Variants in ZXDC observed in about 807,000 individuals in gnomAD.
ZXDC encodes zinc finger protein ZXDC.
In ZXDC, 58 loss-of-function variants were observed where a neutral mutation model predicts 63.6. The observed-to-expected ratio is 0.91, with a 90% CI of 0.74 to 1.13. The LOEUF is 1.13. Among genes scored for constraint, ZXDC ranks in the 50% most tolerant of loss-of-function variants. The probability of loss-of-function intolerance (pLI) is 0.00; values close to 1 mark genes in which losing one functional copy is unlikely to be tolerated. For synonymous variants in ZXDC, 561 were observed against 496.1 expected, an observed-to-expected ratio of 1.13 and a Z score of -1.74; for missense variants, 1,133 against 1,148.9, an observed-to-expected ratio of 0.99 and a Z score of 0.20.
chr3:126,451,417 T>C (rs1934094522), intron 7 of ZXDC: 2 of 985,428 alleles, frequency 2.0e-6, no homozygotes, highest in Non-Finnish European at 2.4e-6. Context: ...AGCAGCAGCA[T>C]GTGCAGCTTC....
intron 7 of ZXDC, among the ~76,000 whole-genome samples, chr3:126,446,366 C>T (rs1189359399): frequency 1.3e-5 from 2 of 152,206 alleles, no homozygotes; most frequent in African/African-American, 2.4e-5. Context: ...ACTCAGCTCC[C>T]ATCATCTGCG....
intron 7 of ZXDC, among the ~76,000 whole-genome samples, chr3:126,456,950 C>G (rs753775250): frequency 3.3e-5 from 5 of 152,202 alleles, no homozygotes; most frequent in Non-Finnish European, 7.3e-5. Context: ...GCACCTCACC[C>G]CCGTCTCCAG....
rs540580073 is a variant in ZXDC, at chr3:126,440,878, G to A, written c.2394+887C>T. On this transcript the variant is annotated intron_variant, in intron 8 of 9. Transcript: ENST00000389709. The stretch of plus-strand genomic sequence containing the variant: ...CCAGGCCTGGTCCTGTTTCCTTGGC[G>A]AGACTCTCCCAGGACTCTGAACCCA... The A allele has an allele frequency of 7.1e-6, 7 of 985,652 alleles. No homozygotes were observed. The Admixed American group carries it at 2.5e-4, about 35-fold the overall frequency. The allele number at this position is 985,652 out of a possible 1,614,324, so 61.1% of individuals were successfully genotyped here.
chr3:126,441,042 A>G, intron 8 of ZXDC: 1 of 985,554 alleles, frequency 1.0e-6, no homozygotes. Flanking sequence ...GGCCAAACCC[A>G]GACAGCCCCG....
At chr3:126,450,407 G>A (rs1419961318) in intron 7 of ZXDC, 5 of 456,698 alleles carry the variant, frequency 1.1e-5, no homozygotes, top group Admixed American at 2.3e-5. Flanking sequence ...CCTGTTAGAG[G>A]CCACATCTGC....
intron 4 of ZXDC, among the ~76,000 whole-genome samples, chr3:126,467,885 C>A (rs1425049272): frequency 6.6e-6 from 1 of 152,184 alleles, no homozygotes; most frequent in Non-Finnish European, 1.5e-5. Flanking sequence ...GGCCACGCTA[C>A]AACAGGACCC....
At chr3:126,451,255 TA>T in intron 7 of ZXDC, 1 of 985,432 alleles carries the variant, frequency 1.0e-6, no homozygotes, top group Non-Finnish European at 1.2e-6. Flanking sequence ...ATATGTGTAC[TA>T]CTGCTTGTTT....
intron 5 of ZXDC, among the ~76,000 whole-genome samples, chr3:126,462,799 G>A (rs949200547): frequency 1.3e-5 from 2 of 152,202 alleles, no homozygotes; most frequent in African/African-American, 2.4e-5. Flanking sequence ...GGTGAACAAA[G>A]GAAATAAAAC....
intron 5 of ZXDC, among the ~76,000 whole-genome samples, chr3:126,465,458 C>T (rs1419902041): frequency 6.6e-6 from 1 of 152,222 alleles, no homozygotes; most frequent in Non-Finnish European, 1.5e-5. Context: ...CTCCAGCCCT[C>T]GTTACTCCCA....
In ZXDC at chr3:126,466,149, G is replaced by A. The variant is rs760712205; in HGVS notation, c.1441+6C>T. 10 of 1,611,954 alleles carry A rather than the reference G, an allele frequency of 6.2e-6. No individual in the cohort carries two copies. In the East Asian group the frequency reaches 6.7e-5, roughly 11 times the overall value. On this transcript the variant is annotated splice_donor_region_variant and intron_variant, in intron 5 of 9. Transcript: ENST00000389709. ...GCTCCCCATGGGGGCCGTGGAAAGTGCAGACCTTGGCGCCGGCTGTGCTGT... is the reference window on the plus strand; with the variant it reads ...GCTCCCCATGGGGGCCGTGGAAAGTACAGACCTTGGCGCCGGCTGTGCTGT...
chr3:126,462,783 T>C (rs982279655), intron 5 of ZXDC, among the ~76,000 whole-genome samples: 1 of 152,094 alleles, frequency 6.6e-6, no homozygotes, highest in Admixed American at 6.5e-5. Flanking sequence ...ACTGGAGCCA[T>C]ATAGGGGTGA....
chr3:126,469,653 C>A (rs1934902786), intron 4 of ZXDC, among the ~76,000 whole-genome samples: 1 of 152,204 alleles, frequency 6.6e-6, no homozygotes, highest in African/African-American at 2.4e-5. Context: ...ACTCCTGGCC[C>A]TGAGAGGCTC....
chr3:126,445,771 C>T (rs530402804), intron 7 of ZXDC, among the ~76,000 whole-genome samples: 1 of 152,106 alleles, frequency 6.6e-6, no homozygotes, highest in Non-Finnish European at 1.5e-5. Context: ...AGGGGCCAAG[C>T]CCCAGTTGCT....
chr3:126,450,190 C>T (rs1349136221), intron 7 of ZXDC: 1 of 383,144 alleles, frequency 2.6e-6, no homozygotes. Flanking sequence ...CCCTCCACAG[C>T]TGCTCACAGG....
At position 126,475,210 on chromosome 3, in the gene ZXDC, A is replaced by C; in HGVS notation, c.656T>G (p.Phe219Cys). ...CCGCTTGAGCTTGTAGGACGTTGTG[A>C]AGGCCCAACCACAGCCCTCCAGTGG... The part of the protein sequence containing the change: ...KCPLEGCGWA[F>C]TTSYKLKRHL... The change falls in exon 1 of 10, where the codon TTC (phenylalanine) becomes TGC (cysteine). Residue 219 changes from phenylalanine (F) to cysteine (C), a missense_variant. Transcript: ENST00000389709. 1 of 1,580,610 alleles carries C rather than the reference A, an allele frequency of 6.3e-7. No homozygotes were observed. The highest frequency in any genetic ancestry group is 8.6e-7 in the Non-Finnish European group (1 of 1,163,164).
chr3:126,474,395 C>T (rs1935099990), intron 1 of ZXDC, among the ~76,000 whole-genome samples: 1 of 152,212 alleles, frequency 6.6e-6, no homozygotes. Context: ...CAAGGCTCGG[C>T]CTCTGTCTCT....
chr3:126,468,440 C>CT (rs139456205), intron 4 of ZXDC, among the ~76,000 whole-genome samples: 1,634 of 152,288 alleles, frequency 0.011, 12 homozygotes, highest in South Asian at 0.019. Context: ...ATGATCAACT[C>CT]TCAGTCCAGC....
intron 7 of ZXDC, chr3:126,452,988 T>C (rs754348270): frequency 2.8e-5 from 27 of 981,700 alleles, no homozygotes; most frequent in Non-Finnish European, 3.3e-5. Flanking sequence ...TACTCCCACC[T>C]CAGCCTCCCA....
At position 126,471,842 on chromosome 3, in the gene ZXDC, C is replaced by T. The variant is rs1934992089; in HGVS notation, c.1139+131G>A. The T allele has an allele frequency of 4.2e-6, 3 of 712,880 alleles. No individual in the cohort carries two copies. The African/African-American group carries it at 5.5e-5, about 13-fold the overall frequency. 44.2% of individuals were successfully genotyped at this position (712,880 alleles called of 1,614,324 possible). On this transcript the variant is annotated intron_variant, in intron 3 of 9. Coordinates refer to ENST00000389709, the MANE Select transcript of ZXDC (RefSeq NM_025112.5). The stretch of plus-strand genomic sequence containing the variant: ...TCTTTTTACAGTTTTCTGAATTTTC[C>T]AAATCATCAACACTGAGCTCCTTTT...
Sources: gnomAD v4.1 joint callset for allele counts (sites outside exome capture counted in the v4.1 genomes callset) on GRCh38, gnomAD v4.1.1 for gene constraint, MANE v1.5 for transcripts, NCBI Gene and HGNC (gene_info 2026-07-23, HGNC 2026-07-21) for gene names.